The following ARID1B variants were observed in gnomAD, a reference collection of about 807,000 sequenced individuals.
ARID1B encodes the protein AT-rich interactive domain-containing protein 1B.
Under a neutral mutation model 212.3 loss-of-function variants are expected in ARID1B, and 30 were observed. The ratio of observed to expected loss-of-function variants is 0.14; its 90% CI spans 0.11 to 0.19. ARID1B has a LOEUF of 0.19. Ranked by LOEUF, ARID1B falls within the 10% of genes least tolerant of loss-of-function variation. The pLI is 1.00. For missense variants in ARID1B, 2,891 were observed against 3,204.0 expected, an observed-to-expected ratio of 0.90 and a Z score of 2.36; for synonymous variants, 1,402 against 1,301.7, an observed-to-expected ratio of 1.08 and a Z score of -1.66.
chr6:157,182,792 G>A (rs914154139), intron 12 of ARID1B, among the ~76,000 whole-genome samples: 1 of 152,116 alleles, frequency 6.6e-6, no homozygotes, highest in Non-Finnish European at 1.5e-5. Context: ...ATTGAGACAC[G>A]CCTCTCTCTG....
intron 2 of ARID1B, among the ~76,000 whole-genome samples, chr6:156,852,754 T>TAAC (rs1433207730): frequency 1.3e-5 from 2 of 152,230 alleles, no homozygotes; most frequent in African/African-American, 4.8e-5. Flanking sequence ...AACTCTATGC[T>TAAC]ATTTTAGACC....
At chr6:156,941,802 A>G (rs1407735868) in intron 4 of ARID1B, 4 of 152,218 alleles carry the variant, frequency 2.6e-5, no homozygotes, top group Non-Finnish European at 5.9e-5. Flanking sequence ...TCCAGGAAAA[A>G]ACAGGCTAAA....
chr6:157,064,919 T>G (rs1185781401), intron 4 of ARID1B, among the ~76,000 whole-genome samples: 1 of 152,252 alleles, frequency 6.6e-6, no homozygotes, highest in African/African-American at 2.4e-5. Context: ...TACTGTCTTT[T>G]GTTGTTTTAT....
intron 4 of ARID1B, among the ~76,000 whole-genome samples, chr6:157,083,499 C>G (rs949149017): frequency 6.6e-6 from 1 of 152,184 alleles, no homozygotes; most frequent in Non-Finnish European, 1.5e-5. Context: ...TCTGCGTCCT[C>G]TTCTGCTGAG....
chr6:157,050,373 G>A (rs933493244), intron 4 of ARID1B, among the ~76,000 whole-genome samples: 28 of 151,996 alleles, frequency 1.8e-4, no homozygotes, highest in African/African-American at 5.6e-4. Context: ...GTGAAACCCC[G>A]TCTCTACTAA....
rs1793712844 is a variant in ARID1B at position 157,196,233 on chromosome 6, A to G, written c.4300A>G (p.Asn1434Asp). 6.2e-7 allele frequency: 1 copy of G among 1,613,488 alleles called. No individual in the cohort carries two copies. Among genetic ancestry groups the G allele is most frequent in the Admixed American group, 1.7e-5 (1 of 59,838 alleles). Residue 1434 changes from asparagine (N) to aspartate (D), a missense_variant, in exon 16 of 20, where the codon AAC becomes GAC. Physicochemically the swap from Asn to Asp is conservative, Grantham distance 23 (BLOSUM62 1). Transcript: ENST00000636930. ...MPNSSMQDMY[N>D]QSPSGAMSNL... ...CAACAGCAGCATGCAGGACATGTAC[A>G]ACCAAAGTCCCTCCGGAGCAATGTC...
At chr6:156,913,850 A>C (rs287932) in intron 3 of ARID1B, among the ~76,000 whole-genome samples, 6 of 123,384 alleles carry the variant, frequency 4.9e-5, no homozygotes, top group African/African-American at 9.3e-5. Context: ...ACAACCAGCC[A>C]ACCCCAGCCC....
intron 4 of ARID1B, among the ~76,000 whole-genome samples, chr6:157,063,507 T>C (rs142791343): frequency 4.4e-3 from 663 of 152,304 alleles, no homozygotes; most frequent in Middle Eastern, 0.02. Context: ...TTTTAGATAG[T>C]TGTGCTATTA....
At chr6:157,184,624 C>A in intron 13 of ARID1B, 189 bp downstream of exon 13, 1 of 675,854 alleles carries the variant, frequency 1.5e-6, no homozygotes, top group Non-Finnish European at 2.5e-6. Flanking sequence ...AGAATTAAAT[C>A]TGGGATATGG....
At chr6:156,819,403 CAAAAT>C (rs1456408847) in intron 1 of ARID1B, among the ~76,000 whole-genome samples, 1 of 152,104 alleles carries the variant, frequency 6.6e-6, no homozygotes, top group Non-Finnish European at 1.5e-5. Flanking sequence ...AACTTACTCT[CAAAAT>C]AAACAATATA....
intron 4 of ARID1B, among the ~76,000 whole-genome samples, chr6:157,011,033 T>G (rs973563061): frequency 1.3e-5 from 2 of 152,182 alleles, no homozygotes; most frequent in Non-Finnish European, 2.9e-5. Flanking sequence ...ATGGTGTGTG[T>G]TTTTTAAGTT....
At chr6:157,038,972 T>C (rs1219734951) in intron 4 of ARID1B, among the ~76,000 whole-genome samples, 5 of 151,982 alleles carry the variant, frequency 3.3e-5, no homozygotes, top group African/African-American at 1.2e-4. Context: ...GGCGCGATCA[T>C]GGCTCATTGC....
chr6:156,876,123 C>T (rs1422166090), intron 2 of ARID1B, among the ~76,000 whole-genome samples: 3 of 152,282 alleles, frequency 2.0e-5, no homozygotes, highest in Non-Finnish European at 2.9e-5. Flanking sequence ...TTGACTTTCC[C>T]GTGGTACCTA....
chr6:157,203,697 C>A lies in ARID1B; in HGVS notation c.5264-169C>A. On this transcript the variant is annotated intron_variant, in intron 18 of 19. Coordinates refer to ENST00000636930, the MANE Select transcript of ARID1B (RefSeq NM_001374828.1). This position sits in a 1 kb window ranked among gnomAD's most constrained non-coding sequence, Gnocchi z 4.4. ...CAAAAGTTTCTCGTTACAGCTATGGCCTCCATTTAAAATCGGAAATGATCA... is the reference window on the plus strand; with the variant it reads ...CAAAAGTTTCTCGTTACAGCTATGGACTCCATTTAAAATCGGAAATGATCA... 1.2e-6 allele frequency: 1 copy of A among 844,972 alleles called. No homozygotes were observed. The highest frequency in any genetic ancestry group is 1.9e-6 in the Non-Finnish European group (1 of 535,036). The allele number at this position is 844,972 out of a possible 1,614,324, so 52.3% of individuals were successfully genotyped here. A position where few individuals can be genotyped will look rare whatever the true frequency, so the allele number is the denominator to read the frequency against.
At chr6:157,174,707 T>G (rs1441610513) in intron 10 of ARID1B, 140 bp from the exon 11 acceptor site, 4 of 270,060 alleles carry the variant, frequency 1.5e-5, no homozygotes, top group Non-Finnish European at 2.6e-5. Flanking sequence ...TGTGTTTGTT[T>G]GTACATGTCT....
intron 3 of ARID1B, among the ~76,000 whole-genome samples, chr6:156,924,618 C>G (rs1179993940): frequency 6.6e-6 from 1 of 152,106 alleles, no homozygotes; most frequent in East Asian, 1.9e-4. Flanking sequence ...GGAATTTTTT[C>G]CCTTTAATAT....
At chr6:156,891,569 C>G (rs192344319) in intron 2 of ARID1B, among the ~76,000 whole-genome samples, 1 of 152,128 alleles carries the variant, frequency 6.6e-6, no homozygotes, top group African/African-American at 2.4e-5. Flanking sequence ...TTCTCACATT[C>G]AAAAATAACA....
At chr6:156,791,501 G>C (rs1780005328) in intron 1 of ARID1B, among the ~76,000 whole-genome samples, 2 of 152,222 alleles carry the variant, frequency 1.3e-5, no homozygotes, top group African/African-American at 2.4e-5. Context: ...CTCTTTGACT[G>C]AAGTGCCGTG....
chr6:156,912,061 A>G (rs567319223), intron 3 of ARID1B, among the ~76,000 whole-genome samples: 1 of 152,322 alleles, frequency 6.6e-6, no homozygotes, highest in South Asian at 2.1e-4. Context: ...TATTTTCTAA[A>G]TTATCTACAT....
Sources: allele counts gnomAD v4.1 joint callset (sites outside exome capture counted in the v4.1 genomes callset), GRCh38; gene constraint gnomAD v4.1.1; non-coding constraint Gnocchi (gnomAD v3.1); transcripts MANE v1.5; gene names NCBI Gene and HGNC (gene_info 2026-07-23, HGNC 2026-07-21).